Variants in EIF4G3 observed in about 807,000 individuals in gnomAD.
The protein encoded by EIF4G3 is eukaryotic translation initiation factor 4 gamma 3, also known as eIF-4-gamma 3.
Under a neutral mutation model 186.4 loss-of-function variants are expected in EIF4G3, and 34 were observed. The observed-to-expected ratio is 0.18, with a 90% confidence interval of 0.14 to 0.24. The LOEUF is 0.24. Among genes scored for constraint, EIF4G3 ranks in the 10% least tolerant of loss-of-function variants. The probability of loss-of-function intolerance (pLI) is 1.00; values close to 1 mark genes in which losing one functional copy is unlikely to be tolerated. For synonymous variants in EIF4G3, 673 were observed against 679.5 expected (o/e 0.99, Z 0.15); for missense variants, 1,536 against 1,948.5 (o/e 0.79, Z 3.99).
At chr1:20,879,785 C>A (rs181007759) in intron 19 of EIF4G3, among the ~76,000 whole-genome samples, 3 of 152,004 alleles carry the variant, frequency 2.0e-5, no homozygotes, top group African/African-American at 4.8e-5. Flanking sequence ...TTTCTAAGGG[C>A]AATTTGACAA....
intron 2 of EIF4G3, among the ~76,000 whole-genome samples, chr1:21,144,171 T>C (rs1166999534): frequency 6.6e-6 from 1 of 152,238 alleles, no homozygotes; most frequent in Non-Finnish European, 1.5e-5. Context: ...CAAAAATTAA[T>C]TCCAAGTATC....
At chr1:21,159,108 G>T (rs1003180749) in intron 2 of EIF4G3, among the ~76,000 whole-genome samples, 1 of 152,046 alleles carries the variant, frequency 6.6e-6, no homozygotes, top group African/African-American at 2.4e-5. Flanking sequence ...CACGATTGTC[G>T]GGGAACTCAG....
At position 20,809,341 on chromosome 1, in the gene EIF4G3, A is replaced by C. The variant is rs113046532; in HGVS notation, c.4744+1397T>G. Among the ~76,000 whole-genome samples, 222 of 152,282 alleles carry C rather than the reference A, an allele frequency of 1.5e-3. 1 individual carries two copies. Among genetic ancestry groups the C allele is most frequent in the African/African-American group, 5.1e-3 (214 of 41,554 alleles). Reference sequence around the variant, plus strand: ...TACACTATAAGGATAATTTGCTTTCATCTTTTCCTTTATCTCCAAGAGCGA... The same window carrying C: ...TACACTATAAGGATAATTTGCTTTCCTCTTTTCCTTTATCTCCAAGAGCGA... On this transcript the variant is annotated intron_variant, in intron 36 of 36. Coordinates refer to ENST00000602326, the MANE Select transcript of EIF4G3 (RefSeq NM_001391906.1).
intron 14 of EIF4G3, among the ~76,000 whole-genome samples, chr1:20,935,799 G>A (rs1404858331): frequency 6.6e-6 from 1 of 152,206 alleles, no homozygotes; most frequent in Non-Finnish European, 1.5e-5. Flanking sequence ...CTTATAGTAA[G>A]ACTAGGTTTT....
At chr1:20,933,618 C>A (rs960934976) in intron 14 of EIF4G3, among the ~76,000 whole-genome samples, 1 of 151,784 alleles carries the variant, frequency 6.6e-6, no homozygotes, top group Non-Finnish European at 1.5e-5. Context: ...ATCACACCAC[C>A]GCACTCCAGC....
rs1193601902 is a variant in EIF4G3, at chr1:21,173,137, CAAAAAAAAAAA to C, written c.-272+3027_-272+3037del. On this transcript the variant is annotated intron_variant, in intron 2 of 36. Transcript: ENST00000602326. ...CTGGCAACAGAGCGAGACTCAATCTCAAAAAAAAAAAAAAAAAAAAAAAAAAAAGACGTGGG... is the reference window on the plus strand; with the variant it reads ...CTGGCAACAGAGCGAGACTCAATCTCAAAAAAAAAAAAAAAAAGACGTGGG... Among the ~76,000 whole-genome samples, 150 of 29,190 alleles carry C rather than the reference CAAAAAAAAAAA, an allele frequency of 5.1e-3. 5 individuals carry two copies. The South Asian group carries it at 0.11, about 22-fold the overall frequency. The allele number at this position is 29,190 out of a possible 152,430, so 19.1% of individuals were successfully genotyped here.
intron 29 of EIF4G3, among the ~76,000 whole-genome samples, chr1:20,844,007 T>TA (rs2069725207): frequency 6.6e-6 from 1 of 152,252 alleles, no homozygotes; most frequent in South Asian, 2.1e-4. Context: ...TATGGCTGTA[T>TA]AATATTTCAT....
At chr1:20,960,091 G>T (rs566742850) in intron 12 of EIF4G3, among the ~76,000 whole-genome samples, 1 of 152,174 alleles carries the variant, frequency 6.6e-6, no homozygotes, top group Non-Finnish European at 1.5e-5. Flanking sequence ...ATTTGAAAAC[G>T]TATGTTTATA....
At chr1:20,813,924 G>A (rs892876083) in intron 34 of EIF4G3, among the ~76,000 whole-genome samples, 7 of 147,818 alleles carry the variant, frequency 4.7e-5, no homozygotes, top group Non-Finnish European at 8.9e-5. Context: ...GACTGATCTG[G>A]CACTAAGAAC....
chr1:20,827,637 G>A lies in EIF4G3; in HGVS notation c.4249C>T (p.His1417Tyr). 1 of 1,610,130 alleles carries A rather than the reference G, an allele frequency of 6.2e-7. No individual in the cohort carries two copies. The highest frequency in any genetic ancestry group is 8.5e-7 in the Non-Finnish European group (1 of 1,176,786). ...RAGVLLSEIL[H>Y]LLCKQMSHKK... ...CTCACCATTTGTTTGCATAGTAGGTGCAATATTTCAGATAGCAAGACCCCA... is the reference window on the plus strand; with the variant it reads ...CTCACCATTTGTTTGCATAGTAGGTACAATATTTCAGATAGCAAGACCCCA... The change falls in exon 32 of 37, where the codon CAC becomes TAC. Residue 1417 changes from histidine to tyrosine, a missense_variant. Coordinates refer to ENST00000602326, the MANE Select transcript of EIF4G3 (RefSeq NM_001391906.1).
At chr1:20,918,089 T>C (rs10157616) in intron 14 of EIF4G3, among the ~76,000 whole-genome samples, 143,821 of 152,220 alleles carry the variant, frequency 0.94, 68,446 homozygotes, top group Middle Eastern at 1. Context: ...AAGGTAATAT[T>C]CCTCTCTCCC....
At chr1:20,821,332 C>T (rs1302217949) in intron 33 of EIF4G3, among the ~76,000 whole-genome samples, 3 of 152,228 alleles carry the variant, frequency 2.0e-5, no homozygotes, top group African/African-American at 7.2e-5. Flanking sequence ...TGCCAGTTTC[C>T]TGGTGGTCTG....
rs1034427495 is a variant in EIF4G3 at position 21,025,824 on chromosome 1, CAG to C, written c.-66-23018_-66-23017del. Among the ~76,000 whole-genome samples, 19 of 152,284 alleles carry C rather than the reference CAG, an allele frequency of 1.2e-4. 1 individual carries two copies. The highest frequency in any genetic ancestry group is 4.6e-4 in the African/African-American group (19 of 41,548). Reference sequence around the variant, plus strand: ...ACAGAGTAATTAGGCATGAAGAGAGCAGAGTCAACCCAGAATGAACTAAGAAT... The same window carrying C: ...ACAGAGTAATTAGGCATGAAGAGAGCAGTCAACCCAGAATGAACTAAGAAT... On this transcript the variant is annotated intron_variant, in intron 4 of 36. Transcript: ENST00000602326.
rs1426484710 is a variant in EIF4G3, at chr1:21,079,694, A to G, written c.-196+9444T>C. 2.6e-5 allele frequency among the ~76,000 whole-genome samples: 4 copies of G among 151,798 alleles called. No homozygotes were observed. In the East Asian group the frequency reaches 5.8e-4, roughly 22 times the overall value. On this transcript the variant is annotated intron_variant, in intron 3 of 36. Coordinates refer to ENST00000602326, the MANE Select transcript of EIF4G3 (RefSeq NM_001391906.1). ...GTAAGACCCTGTCGCAAAAGAAAAA[A>G]AAAAAAAAACTCATGAAATTTTATG...
intron 4 of EIF4G3, among the ~76,000 whole-genome samples, chr1:21,046,045 A>T (rs975945671): frequency 1.3e-5 from 2 of 152,210 alleles, no homozygotes; most frequent in Non-Finnish European, 2.9e-5. Context: ...TAAATTAGAG[A>T]GTCTCTTCTC....
Position 20,862,216 on chromosome 1 carries a change from T to C in EIF4G3, c.3111+12A>G. The C allele has an allele frequency of 6.6e-7, 1 of 1,511,462 alleles. No individual in the cohort carries two copies. The highest frequency in any genetic ancestry group is 1.2e-5 in the South Asian group (1 of 83,318). The allele number at this position is 1,511,462 out of a possible 1,614,324, so 93.6% of individuals were successfully genotyped here. The stretch of plus-strand genomic sequence containing the variant: ...GACCAGCAGGCTTATTATTATTTTT[T>C]TTCCCACTCACCAGCCTTAGGTCTA... On this transcript the variant is annotated intron_variant, in intron 23 of 36. Coordinates refer to ENST00000602326, the MANE Select transcript of EIF4G3 (RefSeq NM_001391906.1).
intron 2 of EIF4G3, among the ~76,000 whole-genome samples, chr1:21,139,142 T>A (rs1398130154): frequency 6.6e-6 from 1 of 152,234 alleles, no homozygotes; most frequent in East Asian, 1.9e-4. Context: ...TTGCACTTTA[T>A]CAGGTCCCAA....
At chr1:20,817,784 C>T (rs1318170562) in intron 33 of EIF4G3, among the ~76,000 whole-genome samples, 1 of 150,626 alleles carries the variant, frequency 6.6e-6, no homozygotes, top group Non-Finnish European at 1.5e-5. Context: ...AAGCAATCCT[C>T]CCACCTCAGC....
intron 2 of EIF4G3, among the ~76,000 whole-genome samples, chr1:21,110,300 CTT>C (rs1003890007): frequency 5.5e-5 from 8 of 144,474 alleles, no homozygotes; most frequent in Admixed American, 1.4e-4. Context: ...AACGTTTTCT[CTT>C]TTTTTTTTTT....
Sources: allele counts gnomAD v4.1 joint callset (sites outside exome capture counted in the v4.1 genomes callset), GRCh38; gene constraint gnomAD v4.1.1; transcripts MANE v1.5; gene names NCBI Gene and HGNC (gene_info 2026-07-23, HGNC 2026-07-21).